The following SLC30A7 variants were observed in gnomAD, a reference collection of about 807,000 sequenced individuals.
The protein encoded by SLC30A7 is solute carrier family 30 member 7, also known as zinc transporter 7.
SLC30A7 carries 35 observed loss-of-function variants against 46.0 expected under a neutral mutation model. The observed-to-expected ratio is 0.76, with a 90% CI of 0.58 to 1.01. The LOEUF (loss-of-function observed/expected upper bound fraction) is 1.01. Among genes scored for constraint, SLC30A7 ranks in the 50% least tolerant of loss-of-function variants. The pLI is 0.00. For missense variants in SLC30A7, 464 were observed against 451.1 expected (o/e 1.03, Z -0.26); for synonymous variants, 147 against 157.8 (o/e 0.93, Z 0.51).
downstream of SLC30A7, among the ~76,000 whole-genome samples, chr1:100,984,246 C>G (rs1173136902): frequency 6.6e-6 from 1 of 152,018 alleles, no homozygotes; most frequent in Non-Finnish European, 1.5e-5. Context: ...TCTCTGTACC[C>G]CCACCACATG....
chr1:100,937,574 T>C (rs904870149), intron 8 of SLC30A7, among the ~76,000 whole-genome samples: 1 of 152,212 alleles, frequency 6.6e-6, no homozygotes, highest in Non-Finnish European at 1.5e-5. Flanking sequence ...TGATTACTGA[T>C]GTTGAACATT....
chr1:100,908,013 C>T (rs1025766137), intron 3 of SLC30A7, among the ~76,000 whole-genome samples: 6 of 151,996 alleles, frequency 3.9e-5, no homozygotes, highest in African/African-American at 7.2e-5. Context: ...CTCTCCTCCT[C>T]CTCTTCTCTT....
intron 5 of SLC30A7, 51 bp downstream of exon 5, chr1:100,912,289 A>G (rs10493940): frequency 0.16 from 246,156 of 1,580,314 alleles, 20,427 homozygotes; most frequent in Non-Finnish European, 0.17. Flanking sequence ...GGTTTCTGTC[A>G]TAATTATTTA....
rs1234548917 is a variant in SLC30A7 at position 100,896,299 on chromosome 1, C to T, written c.37C>T (p.Pro13Ser). Reference sequence around the variant, plus strand: ...GTCCATCAAAGACGATGAATACAAACCACCCAAGTTCAATTTGTTCGGCAA... The same window carrying T: ...GTCCATCAAAGACGATGAATACAAATCACCCAAGTTCAATTTGTTCGGCAA... ...PLSIKDDEYK[P>S]PKFNLFGKIS... The change falls in exon 1 of 11, where the codon CCA becomes TCA. Residue 13 changes from proline (P) to serine (S), a missense_variant. Transcript: ENST00000357650. The T allele has an allele frequency of 3.1e-6, 5 of 1,614,232 alleles. No homozygotes were observed. The highest frequency in any genetic ancestry group is 2.2e-5 in the East Asian group (1 of 44,876).
intron 8 of SLC30A7, among the ~76,000 whole-genome samples, chr1:100,960,905 A>G (rs1359102172): frequency 1.3e-5 from 2 of 150,470 alleles, no homozygotes; most frequent in African/African-American, 4.9e-5. Flanking sequence ...AAGGCATTGC[A>G]TTAGAGTCAC....
At chr1:100,957,057 A>G (rs1006249393) in intron 8 of SLC30A7, among the ~76,000 whole-genome samples, 4 of 152,230 alleles carry the variant, frequency 2.6e-5, no homozygotes, top group African/African-American at 9.6e-5. Flanking sequence ...TGCTTGCTAC[A>G]TGGTTGGCAT....
At chr1:100,949,826 G>A (rs997459335) in intron 8 of SLC30A7, among the ~76,000 whole-genome samples, 4 of 152,252 alleles carry the variant, frequency 2.6e-5, no homozygotes, top group African/African-American at 9.6e-5. Flanking sequence ...AGCCAGGCAT[G>A]AGAGAGAATC....
intron 7 of SLC30A7, among the ~76,000 whole-genome samples, chr1:100,921,480 T>C (rs1652930566): frequency 6.6e-6 from 1 of 152,176 alleles, no homozygotes; most frequent in Non-Finnish European, 1.5e-5. Context: ...AAGGTATAAA[T>C]TACCAGTCAG....
the SLC30A7 span, among the ~76,000 whole-genome samples, chr1:100,994,779 A>G: frequency 6.6e-6 from 1 of 152,158 alleles, no homozygotes; most frequent in East Asian, 1.9e-4. Flanking sequence ...CACCTGCCTC[A>G]GCCTCCCAAA....
chr1:100,988,321 T>C, the SLC30A7 span, among the ~76,000 whole-genome samples: 1 of 152,184 alleles, frequency 6.6e-6, no homozygotes, highest in Non-Finnish European at 1.5e-5. Context: ...AAACCATATA[T>C]AGTTCACAGC....
intron 8 of SLC30A7, among the ~76,000 whole-genome samples, chr1:100,939,861 A>G (rs1266522581): frequency 6.6e-6 from 1 of 151,730 alleles, no homozygotes; most frequent in East Asian, 1.9e-4. Context: ...AAAAAAAAAA[A>G]CAGCAACATG....
intron 8 of SLC30A7, among the ~76,000 whole-genome samples, chr1:100,924,767 A>C (rs1653183559): frequency 6.6e-6 from 1 of 152,016 alleles, no homozygotes; most frequent in Admixed American, 6.5e-5. Context: ...TTTAATTCCA[A>C]ATTGGGAATT....
At chr1:100,963,913 A>G (rs1655691124) in intron 9 of SLC30A7, among the ~76,000 whole-genome samples, 1 of 152,124 alleles carries the variant, frequency 6.6e-6, no homozygotes, top group African/African-American at 2.4e-5. Flanking sequence ...AAAGGCTAGA[A>G]CCCAAAGCAC....
chr1:100,929,215 T>TA (rs1653516739), intron 8 of SLC30A7, among the ~76,000 whole-genome samples: 1 of 152,130 alleles, frequency 6.6e-6, no homozygotes, highest in African/African-American at 2.4e-5. Flanking sequence ...ATTTTAAAAT[T>TA]ACATCTCTTG....
chr1:100,906,484 C>G (rs12569251), intron 2 of SLC30A7, among the ~76,000 whole-genome samples: 16,907 of 152,070 alleles, frequency 0.11, 1,198 homozygotes, highest in Non-Finnish European at 0.16. Flanking sequence ...TTTGTAAGAT[C>G]CTGGGTGCAA....
In SLC30A7 at chr1:100,896,339, T is replaced by G. The variant is rs1650923931; in HGVS notation, c.77T>G (p.Phe26Cys). 5.6e-6 allele frequency: 9 copies of G among 1,614,064 alleles called. No individual in the cohort carries two copies. In the East Asian group the frequency reaches 2.0e-4, roughly 36 times the overall value. ...FNLFGKISGWFRSILSDKTSR... is the reference protein window; with the variant it reads ...FNLFGKISGWCRSILSDKTSR... ...TTGTTCGGCAAGATCTCGGGCTGGT[T>G]TAGGTGCGGGGTGCTGTGTTTGCGG... The change falls in exon 1 of 11, where the codon TTT becomes TGT. Residue 26 changes from phenylalanine (F) to cysteine (C), a missense_variant. Phe to Cys is a radical substitution (Grantham distance 205). Coordinates refer to ENST00000357650, the MANE Select transcript of SLC30A7 (RefSeq NM_133496.5).
At chr1:100,912,661 A>G (rs1305661790) in intron 5 of SLC30A7, among the ~76,000 whole-genome samples, 1 of 151,886 alleles carries the variant, frequency 6.6e-6, no homozygotes, top group African/African-American at 2.4e-5. Flanking sequence ...CCATCTCTAC[A>G]AAAAAATACA....
At chr1:100,964,585 T>C (rs1269679138) in intron 9 of SLC30A7, among the ~76,000 whole-genome samples, 1 of 152,074 alleles carries the variant, frequency 6.6e-6, no homozygotes, top group African/African-American at 2.4e-5. Context: ...TGTATCACAC[T>C]GCCCTTTTCA....
At chr1:100,926,525 G>C (rs139797953) in intron 8 of SLC30A7, among the ~76,000 whole-genome samples, 1 of 152,144 alleles carries the variant, frequency 6.6e-6, no homozygotes, top group Non-Finnish European at 1.5e-5. Flanking sequence ...CTGTCCCCAT[G>C]ATCCAAACAC....
Sources: gnomAD v4.1 joint callset for allele counts (sites outside exome capture counted in the v4.1 genomes callset) on GRCh38, gnomAD v4.1.1 for gene constraint, MANE v1.5 for transcripts, NCBI Gene and HGNC (gene_info 2026-07-23, HGNC 2026-07-21) for gene names.